Variants in SOX5 observed in about 807,000 individuals in gnomAD.
The protein encoded by SOX5 is SRY-box transcription factor 5, also known as transcription factor SOX-5.
SOX5 carries 9 observed loss-of-function variants against 92.0 expected under a neutral mutation model. The ratio of observed to expected loss-of-function variants is 0.10; its 90% CI spans 0.06 to 0.17. The LOEUF (loss-of-function observed/expected upper bound fraction) is 0.17. Ranked by LOEUF, SOX5 falls within the 10% of genes least tolerant of loss-of-function variation. SOX5 has a pLI of 1.00. For missense variants in SOX5, 642 were observed against 944.5 expected (o/e 0.68, Z 4.20); for synonymous variants, 344 against 336.3 (o/e 1.02, Z -0.25).
At chr12:24,051,605 A>C (rs999313640) in intron 4 of SOX5, among the ~76,000 whole-genome samples, 1 of 152,180 alleles carries the variant, frequency 6.6e-6, no homozygotes, top group Admixed American at 6.5e-5. Flanking sequence ...AAAAATCCAC[A>C]AGAAAATTGT....
intron 1 of SOX5, among the ~76,000 whole-genome samples, chr12:24,418,427 T>C (rs1965390688): frequency 6.6e-6 from 1 of 152,232 alleles, no homozygotes; most frequent in South Asian, 2.1e-4. Context: ...GGAATGGGCA[T>C]ACGACACTAT....
At chr12:23,912,395 C>T (rs1269914271) in intron 1 of SOX5, among the ~76,000 whole-genome samples, 3 of 152,146 alleles carry the variant, frequency 2.0e-5, no homozygotes, top group Admixed American at 6.5e-5. Context: ...TCAAAGATTG[C>T]TGTTAGGAAT....
At chr12:24,486,123 G>T (rs903785684) in intron 1 of SOX5, among the ~76,000 whole-genome samples, 3 of 151,864 alleles carry the variant, frequency 2.0e-5, no homozygotes, top group African/African-American at 7.3e-5. Context: ...TTTTTGTAGA[G>T]ACAGGGTCTT....
chr12:23,906,372 C>G (rs2097293456), intron 1 of SOX5, among the ~76,000 whole-genome samples: 1 of 152,126 alleles, frequency 6.6e-6, no homozygotes, highest in South Asian at 2.1e-4. Flanking sequence ...TGGGTTTTGC[C>G]TTTCTGACAG....
Position 23,729,978 on chromosome 12 carries a change from A to T in SOX5, c.810+4706T>A, listed in dbSNP as rs187191385. Among the ~76,000 whole-genome samples the T allele has an allele frequency of 7.0e-4, 107 of 152,242 alleles. 1 individual carries two copies. Among genetic ancestry groups the T allele is most frequent in the Admixed American group, 5.5e-3 (84 of 15,274 alleles). ...ACCAGAAGCTTCAAGATGACAGGAAACTTAGGTCTCCAGGAACACTCAATT... is the reference window on the plus strand; with the variant it reads ...ACCAGAAGCTTCAAGATGACAGGAATCTTAGGTCTCCAGGAACACTCAATT... On this transcript the variant is annotated intron_variant, in intron 6 of 14. Coordinates refer to ENST00000451604, the MANE Select transcript of SOX5 (RefSeq NM_006940.6).
intron 4 of SOX5, among the ~76,000 whole-genome samples, chr12:24,164,352 T>C (rs1426383456): frequency 6.6e-6 from 1 of 152,088 alleles, no homozygotes; most frequent in Non-Finnish European, 1.5e-5. Flanking sequence ...ATGCTTTCCT[T>C]TTTAATTAAG....
At position 23,603,260 on chromosome 12, in the gene SOX5, G is replaced by C. The variant is rs180699192; in HGVS notation, c.1164+1127C>G. On this transcript the variant is annotated intron_variant, in intron 9 of 14. Transcript: ENST00000451604. ...TCCTGACAGAGCCACCAGGGTACTA[G>C]AGAAAGATTTTTTGAGGATTCTTGG... Among the ~76,000 whole-genome samples the C allele has an allele frequency of 2.5e-3, 384 of 151,742 alleles. 1 individual carries two copies. Among genetic ancestry groups the C allele is most frequent in the Non-Finnish European group, 4.0e-3 (271 of 67,810 alleles).
At chr12:23,865,640 A>C (rs933062254) in intron 2 of SOX5, among the ~76,000 whole-genome samples, 33 of 152,140 alleles carry the variant, frequency 2.2e-4, no homozygotes, top group African/African-American at 7.7e-4. Flanking sequence ...ACACCACTGC[A>C]TTCCCGCCTG....
At chr12:24,332,800 A>G (rs1348055847) in intron 2 of SOX5, among the ~76,000 whole-genome samples, 4 of 152,072 alleles carry the variant, frequency 2.6e-5, no homozygotes, top group Non-Finnish European at 4.4e-5. Flanking sequence ...GAAATATCAC[A>G]ATTACATATT....
intron 6 of SOX5, among the ~76,000 whole-genome samples, chr12:23,705,277 G>C (rs563671414): frequency 6.6e-6 from 1 of 152,010 alleles, no homozygotes; most frequent in East Asian, 1.9e-4. Flanking sequence ...GACTAAAGTG[G>C]CCAAGTAAAA....
chr12:23,751,308 C>T (rs951461100), intron 4 of SOX5, among the ~76,000 whole-genome samples: 1 of 151,836 alleles, frequency 6.6e-6, no homozygotes, highest in African/African-American at 2.4e-5. Context: ...AACAAGATTA[C>T]TATTCGTAAA....
rs546651494 is a variant in SOX5 at position 23,873,221 on chromosome 12, G to T, written c.270+22572C>A. On this transcript the variant is annotated intron_variant, in intron 2 of 14. Coordinates refer to ENST00000451604, the MANE Select transcript of SOX5 (RefSeq NM_006940.6). ...AAGAAATGACTGTAGGCTGGGCACC[G>T]TGGCTCATGAGGCAGACAGATTGCT... 5.3e-4 allele frequency among the ~76,000 whole-genome samples: 81 copies of T among 152,204 alleles called. No individual in the cohort carries two copies. The South Asian group carries it at 0.011, about 21-fold the overall frequency.
At chr12:24,497,797 C>G (rs1474628080) in intron 1 of SOX5, among the ~76,000 whole-genome samples, 1 of 152,126 alleles carries the variant, frequency 6.6e-6, no homozygotes, top group Non-Finnish European at 1.5e-5. Context: ...ATGGAATCAA[C>G]CCAAATGTCC....
At chr12:24,390,255 G>A (rs763244309) in intron 1 of SOX5, among the ~76,000 whole-genome samples, 27 of 152,050 alleles carry the variant, frequency 1.8e-4, no homozygotes, top group Non-Finnish European at 3.1e-4. Flanking sequence ...CATTTTACTG[G>A]GTGATTATCT....
At chr12:24,112,521 CTTTTTTTTTTTTT>C (rs139323766) in intron 4 of SOX5, among the ~76,000 whole-genome samples, 1 of 75,666 alleles carries the variant, frequency 1.3e-5, no homozygotes, top group Non-Finnish European at 2.5e-5. Flanking sequence ...TTCAAGGTTC[CTTTTTTTTTTTTT>C]TTTTTTTTTT....
At chr12:24,331,010 C>A (rs777336247) in intron 2 of SOX5, among the ~76,000 whole-genome samples, 16 of 152,240 alleles carry the variant, frequency 1.1e-4, no homozygotes, top group Admixed American at 2.6e-4. Flanking sequence ...GAGCCAGTCT[C>A]CCCGGAGCTC....
At chr12:24,351,738 A>T (rs1954112335) in intron 2 of SOX5, among the ~76,000 whole-genome samples, 1 of 152,250 alleles carries the variant, frequency 6.6e-6, no homozygotes. Context: ...TCACAGAGCA[A>T]CAACTAGATA....
intron 13 of SOX5, among the ~76,000 whole-genome samples, chr12:23,537,936 G>T (rs555510554): frequency 8.0e-5 from 8 of 100,322 alleles, no homozygotes; most frequent in South Asian, 8.3e-4. Context: ...GCCCTCAGTA[G>T]TAATAGCGTT....
chr12:24,174,086 C>T lies in SOX5; in HGVS notation c.-2+39257G>A, dbSNP rs199983461. 9.2e-5 allele frequency among the ~76,000 whole-genome samples: 14 copies of T among 152,200 alleles called. No homozygotes were observed. The East Asian group carries it at 2.3e-3, about 25-fold the overall frequency. On this transcript the variant is annotated intron_variant, in intron 4 of 4. Transcript: ENST00000446891. ...AATCTCGGCTCACTGCAACCTACGC[C>T]TCCTGGGTTCAAGTGATCCTCCAGC...
Sources: gnomAD v4.1 joint callset for allele counts (sites outside exome capture counted in the v4.1 genomes callset) on GRCh38, gnomAD v4.1.1 for gene constraint, MANE v1.5 for transcripts, NCBI Gene and HGNC (gene_info 2026-07-23, HGNC 2026-07-21) for gene names.